The following SGCZ variants were observed in gnomAD, a reference collection of about 807,000 sequenced individuals.
SGCZ encodes zeta-sarcoglycan.
Under a neutral mutation model 41.3 loss-of-function variants are expected in SGCZ, and 40 were observed. That is an observed-to-expected ratio of 0.97 (90% CI 0.75 to 1.26). The LOEUF is 1.26. Ranked by LOEUF, SGCZ falls within the 50% of genes most tolerant of loss-of-function variation. SGCZ has a pLI of 0.00. For missense variants in SGCZ, 552 were observed against 369.8 expected, an observed-to-expected ratio of 1.49 and a Z score of -4.04; for synonymous variants, 206 against 137.5, an observed-to-expected ratio of 1.50 and a Z score of -3.49.
intron 1 of SGCZ, among the ~76,000 whole-genome samples, chr8:14,975,184 T>C (rs1801424106): frequency 6.6e-6 from 1 of 152,134 alleles, no homozygotes; most frequent in South Asian, 2.1e-4. Context: ...CGGCTGCCTG[T>C]AGCCCCAGCT....
intron 1 of SGCZ, among the ~76,000 whole-genome samples, chr8:14,842,534 A>C (rs1802960747): frequency 6.6e-6 from 1 of 151,344 alleles, no homozygotes; most frequent in African/African-American, 2.4e-5. Context: ...AGAAAAGCAA[A>C]AATAGGGAGG....
intron 2 of SGCZ, among the ~76,000 whole-genome samples, chr8:14,441,611 A>T (rs1248758008): frequency 6.6e-6 from 1 of 152,134 alleles, no homozygotes; most frequent in Non-Finnish European, 1.5e-5. Context: ...TAAAATGATC[A>T]TTTCATTTCT....
chr8:14,324,087 A>C lies in SGCZ; in HGVS notation c.336+16T>G, dbSNP rs759342898. ...TAAATTATCTTTTAGAGTAAGCCAAAGCCAGTATCACATACCTTTCGAGAA... is the reference window on the plus strand; with the variant it reads ...TAAATTATCTTTTAGAGTAAGCCAACGCCAGTATCACATACCTTTCGAGAA... On this transcript the variant is annotated intron_variant, in intron 3 of 7. Coordinates refer to ENST00000382080, the MANE Select transcript of SGCZ (RefSeq NM_139167.4). 3 of 1,558,980 alleles carry C rather than the reference A, an allele frequency of 1.9e-6. No homozygotes were observed. The highest frequency in any genetic ancestry group is 3.4e-5 in the Admixed American group (2 of 59,500).
chr8:14,676,436 T>A (rs1264307881), intron 1 of SGCZ, among the ~76,000 whole-genome samples: 1 of 151,976 alleles, frequency 6.6e-6, no homozygotes, highest in Non-Finnish European at 1.5e-5. Flanking sequence ...GGAGGATCAC[T>A]TGAGTCCAGG....
At chr8:15,146,429 A>T (rs1026972118) in intron 1 of SGCZ, among the ~76,000 whole-genome samples, 14 of 152,200 alleles carry the variant, frequency 9.2e-5, no homozygotes, top group African/African-American at 3.4e-4. Flanking sequence ...GCAGTGGCTA[A>T]CAGGAATGAT....
At chr8:14,831,927 AC>A (rs1802548170) in intron 1 of SGCZ, among the ~76,000 whole-genome samples, 1 of 151,858 alleles carries the variant, frequency 6.6e-6, no homozygotes, top group Non-Finnish European at 1.5e-5. Flanking sequence ...CAGTACATAC[AC>A]CTAATTCCTG....
At chr8:14,790,848 T>A (rs1585262837) in intron 1 of SGCZ, among the ~76,000 whole-genome samples, 1 of 151,930 alleles carries the variant, frequency 6.6e-6, no homozygotes, top group African/African-American at 2.4e-5. Context: ...CTGGCCAACA[T>A]GGTGAAACTC....
At chr8:14,669,496 A>G (rs1808031975) in intron 1 of SGCZ, among the ~76,000 whole-genome samples, 2 of 152,074 alleles carry the variant, frequency 1.3e-5, no homozygotes, top group Admixed American at 1.3e-4. Flanking sequence ...CCCTCCATCC[A>G]TAGGTAACCA....
chr8:14,263,664 G>A (rs141956016), intron 3 of SGCZ, among the ~76,000 whole-genome samples: 39 of 152,260 alleles, frequency 2.6e-4, no homozygotes, highest in Middle Eastern at 3.4e-3. Context: ...TCTACCCACA[G>A]AAACATCAAA....
At chr8:15,165,388 G>A (rs906059202) in intron 1 of SGCZ, among the ~76,000 whole-genome samples, 4 of 151,992 alleles carry the variant, frequency 2.6e-5, no homozygotes, top group African/African-American at 9.7e-5. Context: ...AATAAAAACA[G>A]CCCTAAAGAC....
At chr8:14,705,064 CT>C (rs1809291236) in intron 1 of SGCZ, among the ~76,000 whole-genome samples, 1 of 151,920 alleles carries the variant, frequency 6.6e-6, no homozygotes. Flanking sequence ...CGAAGCTGAT[CT>C]TTTTTCCAGT....
chr8:14,244,483 T>G (rs1459238722), intron 3 of SGCZ, among the ~76,000 whole-genome samples: 2 of 152,174 alleles, frequency 1.3e-5, no homozygotes, highest in East Asian at 3.9e-4. Flanking sequence ...CCATGCTGTT[T>G]TGGTTACTGT....
chr8:14,491,961 TAA>T (rs35466189), intron 2 of SGCZ, among the ~76,000 whole-genome samples: 28,576 of 152,080 alleles, frequency 0.19, 3,234 homozygotes, highest in Admixed American at 0.26. Flanking sequence ...AATTGTTCAA[TAA>T]ATCTAAGACG....
In SGCZ at chr8:14,108,249, G is replaced by A; in HGVS notation, c.548-14C>T. ...CTCCTTCAGTGCCTGGGGGTAGCAT[G>A]AATATAGCAGTCAGTATAAGCAAGT... On this transcript the variant is annotated splice_polypyrimidine_tract_variant and intron_variant, in intron 5 of 7. Transcript: ENST00000382080. 9.3e-6 allele frequency: 15 copies of A among 1,612,984 alleles called. No individual in the cohort carries two copies. The highest frequency in any genetic ancestry group is 1.2e-5 in the Non-Finnish European group (14 of 1,179,044).
At chr8:14,409,209 T>C (rs2117271100) in intron 2 of SGCZ, among the ~76,000 whole-genome samples, 1 of 152,250 alleles carries the variant, frequency 6.6e-6, no homozygotes, top group East Asian at 1.9e-4. Context: ...CATTTACTTA[T>C]ACTAGAAAAT....
intron 1 of SGCZ, among the ~76,000 whole-genome samples, chr8:14,994,668 G>A (rs1802152918): frequency 6.6e-6 from 1 of 151,858 alleles, no homozygotes; most frequent in African/African-American, 2.4e-5. Flanking sequence ...GTATGTGTGT[G>A]TGTATACTCA....
At chr8:14,906,431 C>T (rs1799122773) in intron 1 of SGCZ, among the ~76,000 whole-genome samples, 1 of 152,108 alleles carries the variant, frequency 6.6e-6, no homozygotes, top group Non-Finnish European at 1.5e-5. Context: ...GGCTCTTAAA[C>T]CACGCTCTGG....
intron 1 of SGCZ, among the ~76,000 whole-genome samples, chr8:14,650,675 G>A (rs1807368349): frequency 6.6e-6 from 1 of 151,942 alleles, no homozygotes; most frequent in Admixed American, 6.6e-5. Context: ...AGAGTGATTA[G>A]TAAAACTATG....
At chr8:14,108,351 A>T in intron 5 of SGCZ, 116 bp from the exon 6 acceptor site, 2 of 842,748 alleles carry the variant, frequency 2.4e-6, no homozygotes, top group Non-Finnish European at 3.8e-6. Flanking sequence ...ACAGGTACAT[A>T]TGATGTATTA....
Sources: allele counts gnomAD v4.1 joint callset (sites outside exome capture counted in the v4.1 genomes callset), GRCh38; gene constraint gnomAD v4.1.1; transcripts MANE v1.5; gene names NCBI Gene and HGNC (gene_info 2026-07-23, HGNC 2026-07-21).